NKAIN2: variants seen among roughly 807,000 people sequenced by gnomAD.
NKAIN2 encodes the protein sodium/potassium transporting ATPase interacting 2, also known as sodium/potassium-transporting ATPase subunit beta-1-interacting protein 2.
Under a neutral mutation model 32.6 loss-of-function variants are expected in NKAIN2, and 14 were observed. That is an observed-to-expected ratio of 0.43 (90% confidence interval 0.28 to 0.67). NKAIN2 has a LOEUF of 0.67. NKAIN2 is among the 30% of genes least tolerant of loss of function. The pLI is 0.17. For synonymous variants in NKAIN2, 80 were observed against 87.2 expected, an observed-to-expected ratio of 0.92 and a Z score of 0.46; for missense variants, 198 against 258.3, an observed-to-expected ratio of 0.77 and a Z score of 1.60.
chr6:124,388,663 TACTC>T (rs929931433), intron 3 of NKAIN2, among the ~76,000 whole-genome samples: 1 of 152,136 alleles, frequency 6.6e-6, no homozygotes, highest in Non-Finnish European at 1.5e-5. Flanking sequence ...TCAGAATTAA[TACTC>T]ACGGTGATTT....
intron 2 of NKAIN2, among the ~76,000 whole-genome samples, chr6:124,313,052 A>G (rs566435133): frequency 1.3e-5 from 2 of 152,276 alleles, no homozygotes; most frequent in Non-Finnish European, 2.9e-5. Flanking sequence ...GTCATAAGCT[A>G]GGAACCATGG....
At chr6:123,962,480 G>A (rs1179682348) in intron 1 of NKAIN2, among the ~76,000 whole-genome samples, 1 of 152,050 alleles carries the variant, frequency 6.6e-6, no homozygotes, top group Admixed American at 6.6e-5. Flanking sequence ...ATTTTCAATT[G>A]CTGATGCCTC....
rs529036180 is a variant in NKAIN2 at position 124,188,693 on chromosome 6, A to C, written c.55-94312A>C. Among the ~76,000 whole-genome samples the C allele has an allele frequency of 2.6e-5, 4 of 152,290 alleles. No individual in the cohort carries two copies. The South Asian group carries it at 8.3e-4, about 32-fold the overall frequency. Reference sequence around the variant, plus strand: ...GCATTTGAGATACTCACTAAAGTCAATCCTTTTTCTGAAACCCGTTCCCCT... The same window carrying C: ...GCATTTGAGATACTCACTAAAGTCACTCCTTTTTCTGAAACCCGTTCCCCT... On this transcript the variant is annotated intron_variant, in intron 1 of 6. Transcript: ENST00000368417.
chr6:124,008,743 ACT>A (rs1374284289), intron 1 of NKAIN2, among the ~76,000 whole-genome samples: 1 of 152,070 alleles, frequency 6.6e-6, no homozygotes, highest in East Asian at 1.9e-4. Context: ...GTGATAAGTG[ACT>A]CTGATAAAGG....
At chr6:124,692,419 A>C (rs947362911) in intron 4 of NKAIN2, among the ~76,000 whole-genome samples, 2 of 152,214 alleles carry the variant, frequency 1.3e-5, no homozygotes, top group African/African-American at 4.8e-5. Flanking sequence ...GAGATAAATG[A>C]GCACAAAATA....
intron 3 of NKAIN2, among the ~76,000 whole-genome samples, chr6:124,406,036 A>G (rs1460148222): frequency 1.2e-5 from 1 of 81,818 alleles, no homozygotes; most frequent in Non-Finnish European, 2.5e-5. Context: ...GTGTGTGTGT[A>G]ATTCTGTACA....
At chr6:124,299,143 T>C (rs1796191441) in intron 2 of NKAIN2, among the ~76,000 whole-genome samples, 2 of 152,158 alleles carry the variant, frequency 1.3e-5, no homozygotes, top group Admixed American at 6.6e-5. Flanking sequence ...AATCCAAGGC[T>C]TCTTTCTGAA....
At chr6:124,001,800 AATATATATATAT>A (rs10567719) in intron 1 of NKAIN2, among the ~76,000 whole-genome samples, 23 of 135,124 alleles carry the variant, frequency 1.7e-4, no homozygotes, top group South Asian at 4.9e-4. Context: ...CTTAGTTCTA[AATATATATATAT>A]ATATATATAT....
At chr6:124,521,120 T>C (rs1779102054) in intron 3 of NKAIN2, among the ~76,000 whole-genome samples, 2 of 152,106 alleles carry the variant, frequency 1.3e-5, no homozygotes, top group Non-Finnish European at 2.9e-5. Flanking sequence ...TTGTATGCTT[T>C]TTTGTTGTTG....
At chr6:124,530,630 G>T (rs556616117) in intron 3 of NKAIN2, among the ~76,000 whole-genome samples, 2 of 152,158 alleles carry the variant, frequency 1.3e-5, no homozygotes, top group Non-Finnish European at 2.9e-5. Flanking sequence ...GGTTATGAAG[G>T]TCAAGTCCCA....
chr6:123,835,441 C>A (rs1774576989), intron 1 of NKAIN2, among the ~76,000 whole-genome samples: 1 of 152,164 alleles, frequency 6.6e-6, no homozygotes, highest in Non-Finnish European at 1.5e-5. Flanking sequence ...TCTATTCATG[C>A]ATAAGTAAAG....
At chr6:123,869,517 A>T (rs945689427) in intron 1 of NKAIN2, among the ~76,000 whole-genome samples, 1 of 151,770 alleles carries the variant, frequency 6.6e-6, no homozygotes, top group Non-Finnish European at 1.5e-5. Context: ...GTTCACAGAA[A>T]AAATAAGAAC....
In NKAIN2 at chr6:124,159,514, T is replaced by C. The variant is rs144938328; in HGVS notation, c.55-123491T>C. On this transcript the variant is annotated intron_variant, in intron 1 of 6. Transcript: ENST00000368417. ...TTCTTAGATGTAAAATTTCTCTGTA[T>C]GTATTGATTAGGAATTGGAGCATTT... 8.7e-4 allele frequency among the ~76,000 whole-genome samples: 133 copies of C among 152,304 alleles called. 2 individuals carry two copies. In the East Asian group the frequency reaches 0.019, roughly 22 times the overall value.
At chr6:124,807,705 G>T (rs1324022212) in intron 5 of NKAIN2, among the ~76,000 whole-genome samples, 1 of 151,142 alleles carries the variant, frequency 6.6e-6, no homozygotes, top group Admixed American at 6.6e-5. Context: ...CCAGGAGCTG[G>T]TTTTTTGAAA....
intron 1 of NKAIN2, among the ~76,000 whole-genome samples, chr6:124,000,110 C>T (rs1397153369): frequency 6.6e-6 from 1 of 152,066 alleles, no homozygotes; most frequent in Admixed American, 6.6e-5. Context: ...CTGTTCTTAA[C>T]ATTTCATCGT....
At chr6:123,836,430 G>A (rs903530449) in intron 1 of NKAIN2, among the ~76,000 whole-genome samples, 1 of 152,044 alleles carries the variant, frequency 6.6e-6, no homozygotes, top group Non-Finnish European at 1.5e-5. Context: ...CACTTCTGTG[G>A]CATTCTTCCC....
chr6:124,640,153 G>A (rs145598273), intron 3 of NKAIN2, among the ~76,000 whole-genome samples: 5 of 152,022 alleles, frequency 3.3e-5, no homozygotes, highest in African/African-American at 9.6e-5. Context: ...GACACTATAC[G>A]AGTCATAATT....
chr6:124,259,006 C>A (rs1030224774), intron 1 of NKAIN2, among the ~76,000 whole-genome samples: 3 of 152,086 alleles, frequency 2.0e-5, no homozygotes, highest in Non-Finnish European at 4.4e-5. Context: ...GAAAGCACAG[C>A]CTCTCATCCA....
At chr6:124,098,038 A>C (rs1197818896) in intron 1 of NKAIN2, among the ~76,000 whole-genome samples, 3 of 152,140 alleles carry the variant, frequency 2.0e-5, no homozygotes, top group Non-Finnish European at 4.4e-5. Context: ...TTGATGAGCT[A>C]CTGGGGAAGA....
Sources: gnomAD v4.1 joint callset for allele counts (sites outside exome capture counted in the v4.1 genomes callset) on GRCh38, gnomAD v4.1.1 for gene constraint, MANE v1.5 for transcripts, NCBI Gene and HGNC (gene_info 2026-07-23, HGNC 2026-07-21) for gene names.